ZNF596: variants seen among roughly 807,000 people sequenced by gnomAD.
ZNF596 encodes zinc finger protein 596.
In ZNF596, 45 loss-of-function variants were observed where a neutral mutation model predicts 48.3. The observed-to-expected ratio is 0.93, with a 90% CI of 0.73 to 1.19. The LOEUF is 1.19. Among genes scored for constraint, ZNF596 ranks in the 50% most tolerant of loss-of-function variants. The pLI, the probability that ZNF596 is intolerant of heterozygous loss-of-function variation, is 0.00. For synonymous variants in ZNF596, 270 were observed against 202.0 expected, an observed-to-expected ratio of 1.34 and a Z score of -2.85; for missense variants, 848 against 599.7, an observed-to-expected ratio of 1.41 and a Z score of -4.32.
intron 1 of ZNF596, among the ~76,000 whole-genome samples, chr8:235,770 G>A (rs1426690437): frequency 6.6e-6 from 1 of 151,948 alleles, no homozygotes; most frequent in Non-Finnish European, 1.5e-5. Flanking sequence ...AGGAGCTATT[G>A]TATATGATAA....
chr8:242,659 T>G (rs181336852), intron 2 of ZNF596, among the ~76,000 whole-genome samples: 2 of 152,106 alleles, frequency 1.3e-5, no homozygotes, highest in African/African-American at 2.4e-5. Flanking sequence ...CAGGTTATAT[T>G]ATGCCACACC....
At chr8:235,973 TCTCATTTTTTACATGTAAAAGAC>T (rs1796599433) in intron 1 of ZNF596, among the ~76,000 whole-genome samples, 1 of 152,124 alleles carries the variant, frequency 6.6e-6, no homozygotes, top group African/African-American at 2.4e-5. Flanking sequence ...TTAGACTAAT[TCTCATTTTTTACATGTAAAAGAC>T]CACATGGGAC....
rs915571593 is a variant in ZNF596, at chr8:246,461, T to G, written c.*99T>G. 1 of 1,444,520 alleles carries G rather than the reference T, an allele frequency of 6.9e-7. No homozygotes were observed. The highest frequency in any genetic ancestry group is 9.2e-7 in the Non-Finnish European group (1 of 1,085,036). 89.5% of individuals were successfully genotyped at this position (1,444,520 alleles called of 1,614,324 possible). ...AGTGTGGAAAAGCCTTTATTTATAT[T>G]TACCACTTTGCTCAACCTAAATGAA... On this transcript the variant is annotated 3_prime_UTR_variant, in exon 6 of 6. Transcript: ENST00000398612.
At chr8:242,770 G>C in intron 2 of ZNF596, 117 bp from the exon 3 acceptor site, 1 of 992,598 alleles carries the variant, frequency 1.0e-6, no homozygotes, top group East Asian at 2.9e-5. Context: ...CCCAAACACT[G>C]TTTTGAGTTT....
intron 4 of ZNF596, chr8:244,402 AT>A: frequency 1.8e-6 from 1 of 545,544 alleles, no homozygotes; most frequent in East Asian, 3.2e-5. Context: ...TTCTTTGAAA[AT>A]TTTTCTTTCC....
intron 4 of ZNF596, 163 bp downstream of exon 4, chr8:243,968 A>C: frequency 2.0e-6 from 1 of 491,848 alleles, no homozygotes; most frequent in Non-Finnish European, 3.6e-6. Flanking sequence ...GCTCACTGCA[A>C]CCTCTGCTTC....
chr8:242,943 G>C lies in ZNF596; in HGVS notation c.69G>C (p.Leu23=). 1 of 1,610,996 alleles carries C rather than the reference G, an allele frequency of 6.2e-7. No homozygotes were observed. The highest frequency in any genetic ancestry group is 8.5e-7 in the Non-Finnish European group (1 of 1,177,648). The change falls in exon 3 of 6, where the codon CTG becomes CTC. Residue 23 remains leucine (L), a synonymous_variant. Coordinates refer to ENST00000398612, the MANE Select transcript of ZNF596 (RefSeq NM_001042416.3). ...IVDFTQEEWA[L]LDTSQRKLFQ... ...ACTTCACTCAAGAAGAGTGGGCCCT[G>C]CTGGACACATCCCAGAGAAAGCTGT...
At chr8:244,943 C>G (rs2906332) in intron 5 of ZNF596, among the ~76,000 whole-genome samples, 1 of 152,024 alleles carries the variant, frequency 6.6e-6, no homozygotes, top group East Asian at 1.9e-4. Context: ...AATAACTAGT[C>G]AGATAGCTCT....
In ZNF596 at chr8:243,746, T is replaced by G; in HGVS notation, c.164T>G (p.Val55Gly). The change falls in exon 4 of 6, where the codon GTG becomes GGG. Residue 55 changes from valine (V) to glycine (G), a missense_variant. Physicochemically the swap from Val to Gly is moderately radical, Grantham distance 109. Transcript: ENST00000398612. Reference sequence around the variant, plus strand: ...GGCAAACAGCTCTGCAAATCAGTTGTGCTTTCCCAATTGGAGCAAGTAGAG... The same window carrying G: ...GGCAAACAGCTCTGCAAATCAGTTGGGCTTTCCCAATTGGAGCAAGTAGAG... The part of the protein sequence containing the change: ...SIGKQLCKSV[V>G]LSQLEQVEKL... 6.2e-7 allele frequency: 1 copy of G among 1,613,790 alleles called. No individual in the cohort carries two copies. The highest frequency in any genetic ancestry group is 8.5e-7 in the Non-Finnish European group (1 of 1,179,786).
chr8:237,009 T>C (rs1796643524), intron 1 of ZNF596: 1 of 152,214 alleles, frequency 6.6e-6, no homozygotes, highest in Non-Finnish European at 1.5e-5. Flanking sequence ...CACAAATCAC[T>C]TTTACAGTTA....
chr8:240,621 G>T (rs936220712), intron 1 of ZNF596: 1 of 447,006 alleles, frequency 2.2e-6, no homozygotes, highest in East Asian at 3.4e-5. Flanking sequence ...ACATTTCTAG[G>T]TCTAAAATAA....
At chr8:243,396 TA>T in intron 3 of ZNF596, 1 of 291,932 alleles carries the variant, frequency 3.4e-6, no homozygotes, top group Non-Finnish European at 6.5e-6. Context: ...CTGGTGGAGC[TA>T]ATATTTATTG....
chr8:240,773 G>C (rs554639596), intron 1 of ZNF596, 51 bp from the exon 2 acceptor site: 24 of 1,256,390 alleles, frequency 1.9e-5, no homozygotes, highest in Admixed American at 3.5e-5. Context: ...GATGTTAGAA[G>C]CAAAACTGGA....
chr8:239,141 T>C (rs1322733527), intron 1 of ZNF596, among the ~76,000 whole-genome samples: 2 of 152,160 alleles, frequency 1.3e-5, no homozygotes, highest in African/African-American at 2.4e-5. Context: ...TTTTTAAAAG[T>C]GAAGAAACTG....
chr8:243,508 G>T, intron 3 of ZNF596: 1 of 431,832 alleles, frequency 2.3e-6, no homozygotes, highest in South Asian at 3.6e-5. Context: ...GTGAGGCATG[G>T]CCATCAGCAA....
intron 1 of ZNF596, among the ~76,000 whole-genome samples, chr8:236,290 T>C (rs1024208703): frequency 2.6e-5 from 4 of 152,334 alleles, no homozygotes; most frequent in Non-Finnish European, 5.9e-5. Flanking sequence ...GCCCACTTTT[T>C]AAATATTCTT....
At chr8:236,418 T>C (rs1176987088) in intron 1 of ZNF596, among the ~76,000 whole-genome samples, 1 of 152,186 alleles carries the variant, frequency 6.6e-6, no homozygotes, top group East Asian at 1.9e-4. Flanking sequence ...CTTTTCCCTC[T>C]TGTTTTGGTC....
intron 1 of ZNF596, among the ~76,000 whole-genome samples, chr8:235,804 C>T (rs1796593697): frequency 6.6e-6 from 1 of 152,106 alleles, no homozygotes; most frequent in South Asian, 2.1e-4. Context: ...ATTCAGTCCA[C>T]TTATGAAATT....
chr8:239,640 G>A (rs1796766675), intron 1 of ZNF596, among the ~76,000 whole-genome samples: 1 of 152,140 alleles, frequency 6.6e-6, no homozygotes, highest in African/African-American at 2.4e-5. Flanking sequence ...AGCAAGTTTT[G>A]GAAGCATCTT....
Sources: allele counts gnomAD v4.1 joint callset (sites outside exome capture counted in the v4.1 genomes callset), GRCh38; gene constraint gnomAD v4.1.1; transcripts MANE v1.5; gene names NCBI Gene and HGNC (gene_info 2026-07-23, HGNC 2026-07-21).